The following NAALADL2 variants were observed in gnomAD, a reference collection of about 807,000 sequenced individuals.
NAALADL2 encodes the protein inactive N-acetylated-alpha-linked acidic dipeptidase-like protein 2.
A neutral mutation model predicts 87.2 loss-of-function variants in NAALADL2; 76 were observed. The observed-to-expected ratio is 0.87, with a 90% confidence interval of 0.72 to 1.05. NAALADL2 has a LOEUF of 1.05. Among genes scored for constraint, NAALADL2 ranks in the 50% least tolerant of loss-of-function variants. The probability of loss-of-function intolerance (pLI) is 0.00; values close to 1 mark genes in which losing one functional copy is unlikely to be tolerated. For missense variants in NAALADL2, 1,089 were observed against 945.8 expected, an observed-to-expected ratio of 1.15 and a Z score of -1.99; for synonymous variants, 354 against 331.0, an observed-to-expected ratio of 1.07 and a Z score of -0.75.
intron 2 of NAALADL2, among the ~76,000 whole-genome samples, chr3:175,117,791 A>G (rs35038248): frequency 0.6 from 91,883 of 151,944 alleles, 28,295 homozygotes; most frequent in African/African-American, 0.73. Context: ...ATTATAAATC[A>G]TGCTGCTATA....
intron 5 of NAALADL2, among the ~76,000 whole-genome samples, chr3:175,382,396 T>C (rs1054977065): frequency 6.6e-6 from 1 of 151,896 alleles, no homozygotes; most frequent in Non-Finnish European, 1.5e-5. Flanking sequence ...TTTTTTTAAA[T>C]ATGTTTTGAG....
At chr3:175,081,629 G>C (rs1717843498) in intron 1 of NAALADL2, among the ~76,000 whole-genome samples, 1 of 152,068 alleles carries the variant, frequency 6.6e-6, no homozygotes, top group Non-Finnish European at 1.5e-5. Context: ...ACATATCAAT[G>C]CATATTCCCA....
intron 2 of NAALADL2, among the ~76,000 whole-genome samples, chr3:175,151,406 G>A (rs1731522688): frequency 6.6e-6 from 1 of 152,162 alleles, no homozygotes. Context: ...AGCAGTTCTG[G>A]CTGATATACT....
At chr3:175,720,698 C>T (rs1742120550) in intron 11 of NAALADL2, among the ~76,000 whole-genome samples, 1 of 151,784 alleles carries the variant, frequency 6.6e-6, no homozygotes, top group African/African-American at 2.4e-5. Flanking sequence ...AGAAAGGTTG[C>T]CTAAGTAAGA....
At chr3:175,688,430 G>A (rs1736605009) in intron 11 of NAALADL2, among the ~76,000 whole-genome samples, 1 of 152,158 alleles carries the variant, frequency 6.6e-6, no homozygotes, top group Non-Finnish European at 1.5e-5. Flanking sequence ...AATTGGGCTG[G>A]CAGGTGTCAG....
intron 2 of NAALADL2, among the ~76,000 whole-genome samples, chr3:174,555,420 C>T (rs934638320): frequency 6.6e-5 from 10 of 152,146 alleles, no homozygotes; most frequent in Non-Finnish European, 1.5e-5. Flanking sequence ...CTGCCTCAGT[C>T]TCCCGAGTAG....
chr3:175,164,938 C>T lies in NAALADL2; in HGVS notation c.545+67647C>T, dbSNP rs142981077. ...AATTGTGGAGAAAGGCAAATGGATG[C>T]CCCATATCTTTGAATGGAACTATTT... On this transcript the variant is annotated intron_variant, in intron 2 of 13. Transcript: ENST00000454872. Among the ~76,000 whole-genome samples the T allele has an allele frequency of 3.5e-3, 535 of 152,224 alleles. 1 individual carries two copies. Among genetic ancestry groups the T allele is most frequent in the African/African-American group, 0.012 (513 of 41,552 alleles).
intron 8 of NAALADL2, among the ~76,000 whole-genome samples, chr3:175,470,941 T>G (rs1488028906): frequency 6.6e-6 from 1 of 152,162 alleles, no homozygotes; most frequent in Non-Finnish European, 1.5e-5. Flanking sequence ...AGGGCTGGTT[T>G]TATTCATCAC....
chr3:175,171,280 C>A (rs1734762968), intron 2 of NAALADL2, among the ~76,000 whole-genome samples: 1 of 151,992 alleles, frequency 6.6e-6, no homozygotes, highest in Non-Finnish European at 1.5e-5. Context: ...AAGTTTGAGA[C>A]TGCAGGGTAG....
intron 11 of NAALADL2, among the ~76,000 whole-genome samples, chr3:175,667,217 AAG>A (rs1239525070): frequency 8.7e-5 from 11 of 126,164 alleles, no homozygotes; most frequent in African/African-American, 3.5e-4. Flanking sequence ...GAAAGAAAGA[AAG>A]AAAGAAAGAA....
intron 4 of NAALADL2, among the ~76,000 whole-genome samples, chr3:175,300,003 T>C (rs1756847974): frequency 6.6e-6 from 1 of 152,198 alleles, no homozygotes; most frequent in South Asian, 2.1e-4. Context: ...TGAAGGGGTG[T>C]TGAATTTTAT....
intron 2 of NAALADL2, among the ~76,000 whole-genome samples, chr3:175,172,366 T>C (rs2108920118): frequency 6.6e-6 from 1 of 152,234 alleles, no homozygotes; most frequent in Middle Eastern, 3.4e-3. Flanking sequence ...TCACAGTCAA[T>C]AATAGTAAAA....
intron 2 of NAALADL2, among the ~76,000 whole-genome samples, chr3:175,102,633 A>C (rs1479558512): frequency 6.6e-6 from 1 of 152,184 alleles, no homozygotes; most frequent in Non-Finnish European, 1.5e-5. Context: ...ATAAATAATA[A>C]AATACAATCT....
intron 1 of NAALADL2, among the ~76,000 whole-genome samples, chr3:175,061,697 A>C (rs1385410637): frequency 1.3e-5 from 2 of 150,068 alleles, no homozygotes; most frequent in Non-Finnish European, 3.0e-5. Flanking sequence ...GAATAAAATC[A>C]GTTATTTAGT....
intron 5 of NAALADL2, among the ~76,000 whole-genome samples, chr3:175,332,298 C>T (rs560429554): frequency 6.6e-6 from 1 of 152,280 alleles, no homozygotes; most frequent in East Asian, 1.9e-4. Flanking sequence ...AACCTGGAGA[C>T]ATTACAGCAC....
intron 2 of NAALADL2, among the ~76,000 whole-genome samples, chr3:174,558,706 T>G (rs1312571284): frequency 6.6e-6 from 1 of 152,158 alleles, no homozygotes; most frequent in Non-Finnish European, 1.5e-5. Flanking sequence ...ACTTAGCTGC[T>G]GTTCACCTCC....
intron 10 of NAALADL2, among the ~76,000 whole-genome samples, chr3:175,610,468 A>T (rs571303549): frequency 1.3e-5 from 2 of 152,100 alleles, no homozygotes; most frequent in Non-Finnish European, 2.9e-5. Flanking sequence ...TTTTCTCATG[A>T]CCACACAGAT....
At chr3:174,971,114 T>C (rs1488477857) in intron 1 of NAALADL2, among the ~76,000 whole-genome samples, 2 of 152,116 alleles carry the variant, frequency 1.3e-5, no homozygotes, top group African/African-American at 4.8e-5. Flanking sequence ...TCGTGAGACT[T>C]AATCACTATC....
intron 2 of NAALADL2, among the ~76,000 whole-genome samples, chr3:175,231,628 G>A (rs1010571341): frequency 2.0e-5 from 3 of 151,960 alleles, no homozygotes; most frequent in Non-Finnish European, 4.4e-5. Context: ...ACCAACAAAA[G>A]GAATGGCAGA....
Sources: allele counts gnomAD v4.1 joint callset (sites outside exome capture counted in the v4.1 genomes callset), GRCh38; gene constraint gnomAD v4.1.1; transcripts MANE v1.5; gene names NCBI Gene and HGNC (gene_info 2026-07-23, HGNC 2026-07-21).